The following MAP3K4 variants were observed in gnomAD, a reference collection of about 807,000 sequenced individuals.
MAP3K4 encodes mitogen-activated protein kinase kinase kinase 4.
A neutral mutation model predicts 185.6 loss-of-function variants in MAP3K4; 67 were observed. The observed-to-expected ratio is 0.36, with a 90% confidence interval of 0.30 to 0.44. The LOEUF (loss-of-function observed/expected upper bound fraction) is 0.44. Among genes scored for constraint, MAP3K4 ranks in the 20% least tolerant of loss-of-function variants. The pLI, the probability that MAP3K4 is intolerant of heterozygous loss-of-function variation, is 1.00. For synonymous variants in MAP3K4, 702 were observed against 710.4 expected, an observed-to-expected ratio of 0.99 and a Z score of 0.19; for missense variants, 1,551 against 1,995.1, an observed-to-expected ratio of 0.78 and a Z score of 4.24.
chr6:161,005,943 G>A (rs148178757), intron 1 of MAP3K4, among the ~76,000 whole-genome samples: 4 of 152,114 alleles, frequency 2.6e-5, no homozygotes, highest in Non-Finnish European at 4.4e-5. Flanking sequence ...GCCCGCCACC[G>A]TGCCTGGCTA....
At position 161,106,982 on chromosome 6, in the gene MAP3K4, C is replaced by T. The variant is rs1440706865; in HGVS notation, c.4048+277C>T. 1.3e-5 allele frequency among the ~76,000 whole-genome samples: 2 copies of T among 151,532 alleles called. No homozygotes were observed. The highest frequency in any genetic ancestry group is 2.4e-5 in the African/African-American group (1 of 41,196). On this transcript the variant is annotated intron_variant, in intron 20 of 26. Transcript: ENST00000392142. This position sits in a 1 kb window ranked among gnomAD's most constrained non-coding sequence, Gnocchi z 4.9. ...TTTTGCTTAATAACCCTGGAATTTG[C>T]CAGTGGAGAGGTACCAAAATTTGAC...
chr6:161,015,274 A>T (rs1431747980), intron 1 of MAP3K4, among the ~76,000 whole-genome samples: 2 of 150,142 alleles, frequency 1.3e-5, no homozygotes, highest in African/African-American at 4.9e-5. Flanking sequence ...ACATGGACAC[A>T]TGGGGGGGAA....
rs1463852562 is a variant in MAP3K4 at position 161,117,106 on chromosome 6, G to A, written c.*236G>A. On this transcript the variant is annotated 3_prime_UTR_variant, in exon 27 of 27. Transcript: ENST00000392142. ...CTGCATGTTAAGTGCCATTACTACTGTACACGGACCATCGCCTCTGTCTCC... is the reference window on the plus strand; with the variant it reads ...CTGCATGTTAAGTGCCATTACTACTATACACGGACCATCGCCTCTGTCTCC... The A allele has an allele frequency of 9.4e-6, 5 of 533,308 alleles. No homozygotes were observed. The highest frequency in any genetic ancestry group is 3.4e-5 in the Admixed American group (1 of 29,272). 33.0% of individuals were successfully genotyped at this position (533,308 alleles called of 1,614,324 possible). A position where few individuals can be genotyped will look rare whatever the true frequency, so the allele number is the denominator to read the frequency against.
chr6:161,093,966 A>T lies in MAP3K4; in HGVS notation c.3427+115A>T. On this transcript the variant is annotated intron_variant, in intron 15 of 26. Transcript: ENST00000392142. The surrounding 1 kb of genome is among the most constrained non-coding windows in gnomAD (Gnocchi z 5.2). The stretch of plus-strand genomic sequence containing the variant: ...AGAGGTGTTTTAACAGTATTCAGGA[A>T]AACGACAATGAGAGGGACAGAAATG... 1.4e-6 allele frequency: 1 copy of T among 728,446 alleles called. No homozygotes were observed. Among genetic ancestry groups the T allele is most frequent in the Non-Finnish European group, 2.3e-6 (1 of 435,088 alleles). The allele number at this position is 728,446 out of a possible 1,614,324, so 45.1% of individuals were successfully genotyped here. A position where few individuals can be genotyped will look rare whatever the true frequency, so the allele number is the denominator to read the frequency against.
intron 1 of MAP3K4, among the ~76,000 whole-genome samples, chr6:161,021,541 A>C (rs986035793): frequency 6.6e-6 from 1 of 152,242 alleles, no homozygotes; most frequent in African/African-American, 2.4e-5. Context: ...TCTTCAGAGA[A>C]GCCTTCTTTG....
At chr6:161,039,847 G>C (rs999961958) in intron 2 of MAP3K4, among the ~76,000 whole-genome samples, 7 of 152,188 alleles carry the variant, frequency 4.6e-5, no homozygotes, top group Admixed American at 2.6e-4. Context: ...CCATTGTTCT[G>C]TGTAAGGACA....
At chr6:161,041,835 C>T (rs749906280) in intron 2 of MAP3K4, among the ~76,000 whole-genome samples, 24 of 151,014 alleles carry the variant, frequency 1.6e-4, no homozygotes, top group East Asian at 3.9e-4. Context: ...TGATACCAGA[C>T]GGACAGAAGG....
rs1785829675 is a variant in MAP3K4, at chr6:161,088,074, C to G, written c.2823+120C>G. 2 of 951,898 alleles carry G rather than the reference C, an allele frequency of 2.1e-6. No individual in the cohort carries two copies. The highest frequency in any genetic ancestry group is 3.2e-4 in the Middle Eastern group (1 of 3,088). The allele number at this position is 951,898 out of a possible 1,614,324, so 59.0% of individuals were successfully genotyped here. A position where few individuals can be genotyped will look rare whatever the true frequency, so the allele number is the denominator to read the frequency against. On this transcript the variant is annotated intron_variant, in intron 10 of 26. Coordinates refer to ENST00000392142, the MANE Select transcript of MAP3K4 (RefSeq NM_005922.4). This position sits in a 1 kb window ranked among gnomAD's most constrained non-coding sequence, Gnocchi z 4.5. The stretch of plus-strand genomic sequence containing the variant: ...CTAGTAATCACAAGTATATACTTCC[C>G]AAAAATATGCCTCAATGTGTTAATA...
At position 161,056,573 on chromosome 6, in the gene MAP3K4, T is replaced by C. The variant is rs1197218032; in HGVS notation, c.1707+6594T>C. 6.6e-6 allele frequency among the ~76,000 whole-genome samples: 1 copy of C among 152,232 alleles called. No individual in the cohort carries two copies. Among genetic ancestry groups the C allele is most frequent in the Non-Finnish European group, 1.5e-5 (1 of 68,048 alleles). On this transcript the variant is annotated intron_variant, in intron 3 of 26. Coordinates refer to ENST00000392142, the MANE Select transcript of MAP3K4 (RefSeq NM_005922.4). This position sits in a 1 kb window ranked among gnomAD's most constrained non-coding sequence, Gnocchi z 5.4. ...AGAAACCTGGCTACCATTACTACAA[T>C]TAATTACATGTTTGTTCAACCCTAC...
rs1778621903 is a variant in MAP3K4, at chr6:161,117,205, A to C, written c.*335A>C. The C allele has an allele frequency of 3.6e-6, 1 of 279,534 alleles. No individual in the cohort carries two copies. Among genetic ancestry groups the C allele is most frequent in the South Asian group, 1.1e-4 (1 of 8,930 alleles). The allele number at this position is 279,534 out of a possible 1,614,324, so 17.3% of individuals were successfully genotyped here. Reference sequence around the variant, plus strand: ...CCTTTCTAGGTTCAAAAGAAGTTGTAGTGTTATCAGGCGTCCCATACCTTG... The same window carrying C: ...CCTTTCTAGGTTCAAAAGAAGTTGTCGTGTTATCAGGCGTCCCATACCTTG... On this transcript the variant is annotated 3_prime_UTR_variant, in exon 27 of 27. Coordinates refer to ENST00000392142, the MANE Select transcript of MAP3K4 (RefSeq NM_005922.4).
chr6:160,992,278 C>T (rs1291980988), intron 1 of MAP3K4, 195 bp downstream of exon 1: 1 of 714,196 alleles, frequency 1.4e-6, no homozygotes, highest in African/African-American at 1.9e-5. Flanking sequence ...GCGACTCCTC[C>T]CGGGGTTGCA....
intron 2 of MAP3K4, among the ~76,000 whole-genome samples, chr6:161,045,579 G>A (rs1783693265): frequency 6.6e-6 from 1 of 152,036 alleles, no homozygotes; most frequent in African/African-American, 2.4e-5. Context: ...GCACAGATTT[G>A]GAATAATGCT....
chr6:161,112,109 C>G lies in MAP3K4; in HGVS notation c.4519+151C>G, dbSNP rs1778379025. ...AGGACCACTTCCTCACACACTTGGG[C>G]TCCCACGCAAGAGCAGCTGTCACAT... On this transcript the variant is annotated intron_variant, in intron 24 of 26. Transcript: ENST00000392142. The surrounding 1 kb of genome is among the most constrained non-coding windows in gnomAD (Gnocchi z 5.1). 4.1e-6 allele frequency: 4 copies of G among 979,844 alleles called. No homozygotes were observed. The highest frequency in any genetic ancestry group is 3.5e-4 in the Middle Eastern group (1 of 2,842). 60.7% of individuals were successfully genotyped at this position (979,844 alleles called of 1,614,324 possible). A position where few individuals can be genotyped will look rare whatever the true frequency, so the allele number is the denominator to read the frequency against.
chr6:161,028,319 A>G (rs147223224), intron 1 of MAP3K4, among the ~76,000 whole-genome samples: 1 of 152,374 alleles, frequency 6.6e-6, no homozygotes, highest in East Asian at 1.9e-4. Flanking sequence ...CAAGAAAACA[A>G]TAATTTGATT....
In MAP3K4 at chr6:161,097,506, G is replaced by A. The variant is rs556274843; in HGVS notation, c.3524+330G>A. Among the ~76,000 whole-genome samples the A allele has an allele frequency of 6.6e-6, 1 of 152,272 alleles. No homozygotes were observed. The highest frequency in any genetic ancestry group is 2.4e-5 in the African/African-American group (1 of 41,552). ...CAGAAAACAAATTTGAATATGGATAGTGTAGTCAACATTTGAAAACATACT... is the reference window on the plus strand; with the variant it reads ...CAGAAAACAAATTTGAATATGGATAATGTAGTCAACATTTGAAAACATACT... On this transcript the variant is annotated intron_variant, in intron 16 of 26. Coordinates refer to ENST00000392142, the MANE Select transcript of MAP3K4 (RefSeq NM_005922.4). This position sits in a 1 kb window ranked among gnomAD's most constrained non-coding sequence, Gnocchi z 4.9.
rs770635939 is a variant in MAP3K4 at position 161,049,287 on chromosome 6, A to G, written c.1015A>G (p.Thr339Ala). 5 of 1,614,042 alleles carry G rather than the reference A, an allele frequency of 3.1e-6. No individual in the cohort carries two copies. Among genetic ancestry groups the G allele is most frequent in the Non-Finnish European group, 4.2e-6 (5 of 1,180,028 alleles). ...TGGAACAAAGATTGTAGGTTACTCAACACATCATGAGCATCTCCAACGCCA... is the reference window on the plus strand; with the variant it reads ...TGGAACAAAGATTGTAGGTTACTCAGCACATCATGAGCATCTCCAACGCCA... ...TPGTKIVGYS[T>A]HHEHLQRQRV... The change falls in exon 3 of 27, where the codon ACA becomes GCA. Residue 339 changes from threonine to alanine, a missense_variant. Transcript: ENST00000392142. The surrounding 1 kb of genome is among the most constrained non-coding windows in gnomAD (Gnocchi z 8.4).
chr6:161,096,508 T>C lies in MAP3K4; in HGVS notation c.3428-572T>C, dbSNP rs12204643. On this transcript the variant is annotated intron_variant, in intron 15 of 26. Transcript: ENST00000392142. This position sits in a 1 kb window ranked among gnomAD's most constrained non-coding sequence, Gnocchi z 4.9. ...GTAAGATCTCTAATTTTAAATTTTATCTAGTTTTAAATTTTTATTTTAAAT... is the reference window on the plus strand; with the variant it reads ...GTAAGATCTCTAATTTTAAATTTTACCTAGTTTTAAATTTTTATTTTAAAT... Among the ~76,000 whole-genome samples the C allele has an allele frequency of 7.9e-4, 121 of 152,288 alleles. No individual in the cohort carries two copies. Among genetic ancestry groups the C allele is most frequent in the Non-Finnish European group, 1.3e-3 (88 of 68,018 alleles).
Position 161,084,027 on chromosome 6 carries a change from T to A in MAP3K4, c.2256-474T>A, listed in dbSNP as rs576564838. ...CATTTTATATACTGGGGTGTACATT[T>A]TAACACTAGTATTTAGAATTGTGTA... On this transcript the variant is annotated intron_variant, in intron 6 of 26. Transcript: ENST00000392142. This position sits in a 1 kb window ranked among gnomAD's most constrained non-coding sequence, Gnocchi z 4.6. Among the ~76,000 whole-genome samples, 1 of 152,254 alleles carries A rather than the reference T, an allele frequency of 6.6e-6. No individual in the cohort carries two copies. The highest frequency in any genetic ancestry group is 2.4e-5 in the African/African-American group (1 of 41,474).
rs552566192 is a variant in MAP3K4 at position 161,110,428 on chromosome 6, C to T, written c.4396+514C>T. Reference sequence around the variant, plus strand: ...GCCATGCTGATGGATTAAAAGTGCTCTTCTCATAGCACGAGGGGAATAGCT... The same window carrying T: ...GCCATGCTGATGGATTAAAAGTGCTTTTCTCATAGCACGAGGGGAATAGCT... On this transcript the variant is annotated intron_variant, in intron 23 of 26. Transcript: ENST00000392142. This position sits in a 1 kb window ranked among gnomAD's most constrained non-coding sequence, Gnocchi z 4.8. 3.3e-5 allele frequency among the ~76,000 whole-genome samples: 5 copies of T among 152,324 alleles called. No homozygotes were observed. The South Asian group carries it at 1.0e-3, about 32-fold the overall frequency.
Sources: gnomAD v4.1 joint callset for allele counts (sites outside exome capture counted in the v4.1 genomes callset) on GRCh38, gnomAD v4.1.1 for gene constraint, Gnocchi (gnomAD v3.1) non-coding constraint, MANE v1.5 for transcripts, NCBI Gene and HGNC (gene_info 2026-07-23, HGNC 2026-07-21) for gene names.